SLC2A5: variants seen among roughly 807,000 people sequenced by gnomAD.
SLC2A5 encodes solute carrier family 2, facilitated glucose transporter member 5.
Under a neutral mutation model 50.3 loss-of-function variants are expected in SLC2A5, and 56 were observed. The observed-to-expected ratio is 1.11, with a 90% CI of 0.90 to 1.39. The LOEUF (loss-of-function observed/expected upper bound fraction) is 1.39, where lower values mean the gene tolerates loss of function less well. Among genes scored for constraint, SLC2A5 ranks in the 40% most tolerant of loss-of-function variants. The pLI is 0.00. For missense variants in SLC2A5, 566 were observed against 650.1 expected (o/e 0.87, Z 1.41); for synonymous variants, 269 against 281.9 (o/e 0.95, Z 0.46).
chr1:9,070,361 G>A (rs931476113), upstream of SLC2A5, among the ~76,000 whole-genome samples: 7 of 152,096 alleles, frequency 4.6e-5, no homozygotes, highest in African/African-American at 9.7e-5. Flanking sequence ...GATTACAGGC[G>A]TGAGCCATCG....
intron 5 of SLC2A5, chr1:9,041,227 A>G (rs908385892): frequency 5.0e-6 from 2 of 397,590 alleles, no homozygotes; most frequent in African/African-American, 2.1e-5. Context: ...TGCAAAAACA[A>G]CCCCGGTTAC....
intron 2 of SLC2A5, among the ~76,000 whole-genome samples, chr1:9,076,903 C>T (rs549840639): frequency 7.4e-4 from 113 of 151,886 alleles, no homozygotes; most frequent in African/African-American, 2.6e-3. Flanking sequence ...GATTCTTCTG[C>T]CTCAGCCTCC....
At chr1:9,068,105 G>A (rs534109312) in intron 1 of SLC2A5, among the ~76,000 whole-genome samples, 7 of 145,974 alleles carry the variant, frequency 4.8e-5, no homozygotes, top group Middle Eastern at 3.5e-3. Context: ...TGGGAGGATC[G>A]CTTGAGCCCA....
chr1:9,039,504 CCCGAGGGGCCTTGGGT>C, intron 8 of SLC2A5, 32 bp downstream of exon 8: 2 of 1,393,648 alleles, frequency 1.4e-6, no homozygotes, highest in Non-Finnish European at 1.9e-6. Context: ...GGGCGTGGGG[CCCGAGGGGCCTTGGGT>C]GGAGGCTGTG....
intron 2 of SLC2A5, among the ~76,000 whole-genome samples, chr1:9,078,515 G>T (rs1262716500): frequency 1.3e-5 from 2 of 152,098 alleles, no homozygotes; most frequent in African/African-American, 2.4e-5. Flanking sequence ...TGGGTGATGG[G>T]TGCACCCAAA....
chr1:9,059,536 C>CTTTTTTTTTTTTTTTT (rs58395185), intron 1 of SLC2A5, among the ~76,000 whole-genome samples: 1 of 98,410 alleles, frequency 1.0e-5, no homozygotes, highest in African/African-American at 4.6e-5. Context: ...TACAGAGAAT[C>CTTTTTTTTTTTTTTTT]TTTTTTTTTT....
intron 3 of SLC2A5, 66 bp from the exon 4 acceptor site, chr1:9,047,800 T>A (rs1443833059): frequency 1.9e-6 from 3 of 1,554,120 alleles, no homozygotes; most frequent in African/African-American, 1.4e-5. Flanking sequence ...GAAATGTTTC[T>A]GGAGTGTCTC....
rs775727903 is a variant in SLC2A5 at position 9,053,090 on chromosome 1, A to T, written c.293+4358T>A. ...TTATATATTTATATATTAATATATA[A>T]TATATATTTATATATAATATATATT... On this transcript the variant is annotated intron_variant, in intron 3 of 11. Coordinates refer to ENST00000377424, the MANE Select transcript of SLC2A5 (RefSeq NM_003039.3). Among the ~76,000 whole-genome samples, 549 of 97,952 alleles carry T rather than the reference A, an allele frequency of 5.6e-3. 4 individuals carry two copies. Among genetic ancestry groups the T allele is most frequent in the Non-Finnish European group, 7.1e-3 (372 of 52,602 alleles). 64.3% of individuals were successfully genotyped at this position (97,952 alleles called of 152,430 possible).
At chr1:9,089,399 C>CA (rs1642439144), upstream of SLC2A5, among the ~76,000 whole-genome samples, 1 of 152,166 alleles carries the variant, frequency 6.6e-6, no homozygotes, top group African/African-American at 2.4e-5. Flanking sequence ...TCACCACCTT[C>CA]AATTTATTTC....
At chr1:9,056,709 A>G (rs1257111911) in intron 3 of SLC2A5, among the ~76,000 whole-genome samples, 1 of 152,114 alleles carries the variant, frequency 6.6e-6, no homozygotes, top group Non-Finnish European at 1.5e-5. Context: ...ACTTTTTTGA[A>G]ATAAAATATG....
At chr1:9,058,876 A>T (rs187792509) in intron 1 of SLC2A5, among the ~76,000 whole-genome samples, 5 of 152,308 alleles carry the variant, frequency 3.3e-5, no homozygotes, top group African/African-American at 1.2e-4. Context: ...ACATGGAAAG[A>T]GCTGCGGGCT....
intron 3 of SLC2A5, among the ~76,000 whole-genome samples, chr1:9,054,182 A>T (rs1303167083): frequency 1.3e-5 from 2 of 152,162 alleles, no homozygotes; most frequent in Admixed American, 1.3e-4. Context: ...ATTTGTAGAG[A>T]TATTGGCTGA....
intron 8 of SLC2A5, 86 bp from the exon 9 acceptor site, chr1:9,039,015 C>T: frequency 6.7e-7 from 1 of 1,487,494 alleles, no homozygotes; most frequent in Non-Finnish European, 9.1e-7. Context: ...GTGAGGAGAG[C>T]TGGGCGGACC....
In SLC2A5 at chr1:9,084,076, G is replaced by A. The variant is rs538705073; in HGVS notation, c.-59+938C>T. ...GGAGCATGGCGTGAACCTGGGAGGC[G>A]GAGATTGCAGTGAGCCGAGATAGCG... On this transcript the variant is annotated intron_variant, in intron 2 of 5. Transcript: ENST00000464985. Among the ~76,000 whole-genome samples the A allele has an allele frequency of 1.8e-3, 273 of 152,128 alleles. 1 individual carries two copies. Among genetic ancestry groups the A allele is most frequent in the African/African-American group, 5.8e-3 (240 of 41,516 alleles).
intron 2 of SLC2A5, among the ~76,000 whole-genome samples, chr1:9,079,655 T>G (rs548259539): frequency 3.3e-5 from 5 of 152,218 alleles, no homozygotes; most frequent in African/African-American, 1.2e-4. Context: ...TTAGCTAATT[T>G]TTTGAATTTT....
intron 1 of SLC2A5, among the ~76,000 whole-genome samples, chr1:9,086,937 G>A (rs1450315501): frequency 6.6e-6 from 1 of 152,084 alleles, no homozygotes; most frequent in Non-Finnish European, 1.5e-5. Flanking sequence ...CCAACCCTAA[G>A]ATAAATCCCT....
At chr1:9,055,951 T>C (rs1341718947) in intron 3 of SLC2A5, among the ~76,000 whole-genome samples, 1 of 152,072 alleles carries the variant, frequency 6.6e-6, no homozygotes, top group Non-Finnish European at 1.5e-5. Flanking sequence ...CACAAATACT[T>C]AAGAAAACGG....
At chr1:9,078,890 G>A (rs1234695843) in intron 2 of SLC2A5, among the ~76,000 whole-genome samples, 2 of 152,162 alleles carry the variant, frequency 1.3e-5, no homozygotes, top group East Asian at 3.9e-4. Flanking sequence ...AGATAAGGAA[G>A]GAATCATTAA....
In SLC2A5 at chr1:9,040,486, G is replaced by A; in HGVS notation, c.572-297C>T. On this transcript the variant is annotated intron_variant, in intron 5 of 11. Transcript: ENST00000377424. The surrounding 1 kb of genome is among the most constrained non-coding windows in gnomAD (Gnocchi z 4.3). ...TCAGAGGACAGTCTTGCAGGGGCTG[G>A]AGGAGCTGGGCATACCCGGCCTGAC... 1 of 367,590 alleles carries A rather than the reference G, an allele frequency of 2.7e-6. No homozygotes were observed. Among genetic ancestry groups the A allele is most frequent in the Non-Finnish European group, 5.0e-6 (1 of 200,046 alleles). 22.8% of individuals were successfully genotyped at this position (367,590 alleles called of 1,614,324 possible). A position where few individuals can be genotyped will look rare whatever the true frequency, so the allele number is the denominator to read the frequency against.
Sources: allele counts gnomAD v4.1 joint callset (sites outside exome capture counted in the v4.1 genomes callset), GRCh38; gene constraint gnomAD v4.1.1; non-coding constraint Gnocchi (gnomAD v3.1); transcripts MANE v1.5; gene names NCBI Gene and HGNC (gene_info 2026-07-23, HGNC 2026-07-21).